NKAIN2: variants seen among roughly 807,000 people sequenced by gnomAD.
NKAIN2 encodes the protein sodium/potassium-transporting ATPase subunit beta-1-interacting protein 2.
Under a neutral mutation model 32.6 loss-of-function variants are expected in NKAIN2, and 14 were observed. The ratio of observed to expected loss-of-function variants is 0.43; its 90% confidence interval spans 0.28 to 0.67. The LOEUF is 0.67. NKAIN2 is among the 30% of genes least tolerant of loss of function. NKAIN2 has a pLI of 0.17. For synonymous variants in NKAIN2, 80 were observed against 87.2 expected (o/e 0.92, Z 0.46); for missense variants, 198 against 258.3 (o/e 0.77, Z 1.60).
chr6:124,703,259 G>A (rs186092372), intron 4 of NKAIN2, among the ~76,000 whole-genome samples: 1 of 151,376 alleles, frequency 6.6e-6, no homozygotes, highest in Admixed American at 6.6e-5. Context: ...CCTCCAAAGT[G>A]GGAAAGACTA....
At chr6:124,708,491 A>T (rs951458046) in intron 4 of NKAIN2, among the ~76,000 whole-genome samples, 4 of 152,176 alleles carry the variant, frequency 2.6e-5, no homozygotes, top group Admixed American at 6.5e-5. Context: ...ATTTTCTTCC[A>T]TTTGTTTGTA....
chr6:124,748,462 A>G (rs1583786485), intron 4 of NKAIN2, among the ~76,000 whole-genome samples: 2 of 152,086 alleles, frequency 1.3e-5, no homozygotes, highest in East Asian at 3.9e-4. Flanking sequence ...TTCCAAGGGT[A>G]CAGATGCTTT....
chr6:124,785,809 AG>A, intron 4 of NKAIN2, among the ~76,000 whole-genome samples: 1 of 152,258 alleles, frequency 6.6e-6, no homozygotes, highest in Middle Eastern at 3.4e-3. Context: ...CATTGGTAAA[AG>A]TCCTGATCTT....
intron 1 of NKAIN2, among the ~76,000 whole-genome samples, chr6:123,949,347 G>A (rs1777220525): frequency 6.6e-6 from 1 of 151,928 alleles, no homozygotes; most frequent in East Asian, 1.9e-4. Flanking sequence ...AAACGGCATT[G>A]GTAATTTAAT....
chr6:124,107,015 G>C (rs564726685), intron 1 of NKAIN2, among the ~76,000 whole-genome samples: 2 of 152,248 alleles, frequency 1.3e-5, no homozygotes, highest in African/African-American at 4.8e-5. Flanking sequence ...AAGTGCCAAG[G>C]GTTCACAATT....
intron 2 of NKAIN2, among the ~76,000 whole-genome samples, chr6:124,315,160 A>G (rs1321379545): frequency 6.6e-6 from 1 of 152,112 alleles, no homozygotes; most frequent in Non-Finnish European, 1.5e-5. Flanking sequence ...CTTGTAGATG[A>G]TGAAGTAGGT....
At position 123,840,571 on chromosome 6, in the gene NKAIN2, T is replaced by C. The variant is rs149915420; in HGVS notation, c.54+36317T>C. ...TTTTATGATTTTAAGTAATTGCTTA[T>C]GTAGGTATTGCAATTCTGAAAGGAC... is the stretch of plus-strand genomic sequence containing the variant. On this transcript the variant is annotated intron_variant, in intron 1 of 6. Transcript: ENST00000368417. 2.4e-3 allele frequency among the ~76,000 whole-genome samples: 362 copies of C among 152,268 alleles called. 1 individual carries two copies. The highest frequency in any genetic ancestry group is 8.2e-3 in the African/African-American group (341 of 41,582).
intron 1 of NKAIN2, among the ~76,000 whole-genome samples, chr6:123,851,925 TA>T (rs1459921546): frequency 6.6e-6 from 1 of 152,214 alleles, no homozygotes; most frequent in African/African-American, 2.4e-5. Flanking sequence ...ATTTTATTTT[TA>T]TTTTTTTTGC....
chr6:124,439,396 T>C (rs1345259455), intron 3 of NKAIN2, among the ~76,000 whole-genome samples: 1 of 151,976 alleles, frequency 6.6e-6, no homozygotes, highest in Non-Finnish European at 1.5e-5. Context: ...TCTCATCTGT[T>C]TTGGGTGGAC....
At chr6:124,402,943 C>T (rs1219760214) in intron 3 of NKAIN2, among the ~76,000 whole-genome samples, 3 of 152,082 alleles carry the variant, frequency 2.0e-5, no homozygotes, top group African/African-American at 7.2e-5. Flanking sequence ...CCTATACCCA[C>T]GAACCTAAAA....
rs143470920 is a variant in NKAIN2 at position 124,731,727 on chromosome 6, G to A, written c.475-59612G>A. Among the ~76,000 whole-genome samples, 1,002 of 151,688 alleles carry A rather than the reference G, an allele frequency of 6.6e-3. 4 individuals are homozygous for A. The highest frequency in any genetic ancestry group is 0.011 in the Non-Finnish European group (726 of 67,766). ...GGTATAATTTAAAAAAAAAAAGAAT[G>A]TGGAAGTTTCATGAAAATAGAGACT... On this transcript the variant is annotated intron_variant, in intron 4 of 6. Coordinates refer to ENST00000368417, the MANE Select transcript of NKAIN2 (RefSeq NM_001040214.3).
intron 1 of NKAIN2, among the ~76,000 whole-genome samples, chr6:123,918,360 C>T (rs1420524257): frequency 6.6e-6 from 1 of 152,164 alleles, no homozygotes; most frequent in Non-Finnish European, 1.5e-5. Flanking sequence ...AGGAAATACT[C>T]TCTTAGTATT....
intron 2 of NKAIN2, among the ~76,000 whole-genome samples, chr6:124,309,986 G>C (rs772961300): frequency 6.6e-6 from 1 of 151,954 alleles, no homozygotes; most frequent in Non-Finnish European, 1.5e-5. Flanking sequence ...AAATTACTTA[G>C]TTCAGCTTAT....
chr6:124,440,554 C>G (rs187185031), intron 3 of NKAIN2, among the ~76,000 whole-genome samples: 1 of 152,114 alleles, frequency 6.6e-6, no homozygotes, highest in Non-Finnish European at 1.5e-5. Flanking sequence ...TTTCTACTTA[C>G]CATTAAAATT....
chr6:124,016,726 A>G (rs1251878204), intron 1 of NKAIN2, among the ~76,000 whole-genome samples: 1 of 151,812 alleles, frequency 6.6e-6, no homozygotes, highest in Non-Finnish European at 1.5e-5. Context: ...CTTCATAAAT[A>G]TTTTCTCTGA....
At chr6:123,877,711 G>C (rs915603989) in intron 1 of NKAIN2, among the ~76,000 whole-genome samples, 2 of 152,134 alleles carry the variant, frequency 1.3e-5, no homozygotes, top group African/African-American at 4.8e-5. Flanking sequence ...AGAAAATGTT[G>C]ATGTTGGGAG....
At chr6:124,560,393 G>A (rs1228280737) in intron 3 of NKAIN2, among the ~76,000 whole-genome samples, 1 of 152,186 alleles carries the variant, frequency 6.6e-6, no homozygotes, top group African/African-American at 2.4e-5. Context: ...TGAACTGTGA[G>A]TCAATTAAAA....
chr6:123,943,172 G>A (rs1469429455), intron 1 of NKAIN2, among the ~76,000 whole-genome samples: 2 of 151,884 alleles, frequency 1.3e-5, no homozygotes, highest in African/African-American at 4.8e-5. Context: ...ACAGCCACTG[G>A]GCTTATAAAA....
rs544552219 is a variant in NKAIN2 at position 124,359,398 on chromosome 6, G to A, written c.273+4051G>A. Among the ~76,000 whole-genome samples, 10 of 151,942 alleles carry A rather than the reference G, an allele frequency of 6.6e-5. No homozygotes were observed. The East Asian group carries it at 1.2e-3, about 18-fold the overall frequency. On this transcript the variant is annotated intron_variant, in intron 3 of 6. Transcript: ENST00000368417. ...TTTTCACGATATTGATTCTTCTTAC[G>A]CATGAGCATGGAATGTTCTTCCATT...
Sources: gnomAD v4.1 joint callset for allele counts (sites outside exome capture counted in the v4.1 genomes callset) on GRCh38, gnomAD v4.1.1 for gene constraint, MANE v1.5 for transcripts, NCBI Gene and HGNC (gene_info 2026-07-23, HGNC 2026-07-21) for gene names.